GADL1: variants seen among roughly 807,000 people sequenced by gnomAD.
GADL1 encodes the protein GAD like acidic amino acid decarboxylase 1.
GADL1 carries 71 observed loss-of-function variants against 69.5 expected under a neutral mutation model. The observed-to-expected ratio is 1.02, with a 90% CI of 0.84 to 1.25. GADL1 has a LOEUF of 1.25. Among genes scored for constraint, GADL1 ranks in the 50% most tolerant of loss-of-function variants. The pLI, the probability that GADL1 is intolerant of heterozygous loss-of-function variation, is 0.00. For synonymous variants in GADL1, 254 were observed against 214.4 expected (o/e 1.18, Z -1.62); for missense variants, 737 against 631.8 (o/e 1.17, Z -1.79).
At chr3:30,882,225 G>A (rs914088478) in intron 1 of GADL1, among the ~76,000 whole-genome samples, 2 of 151,714 alleles carry the variant, frequency 1.3e-5, no homozygotes, top group Admixed American at 6.6e-5. Flanking sequence ...GTAGTGTTAA[G>A]TATATTCACA....
At chr3:30,800,432 G>A (rs150594833) in intron 12 of GADL1, 38 of 165,148 alleles carry the variant, frequency 2.3e-4, no homozygotes, top group Non-Finnish European at 3.4e-4. Flanking sequence ...TGGGAATTAC[G>A]GGAATACAAT....
intron 14 of GADL1, among the ~76,000 whole-genome samples, chr3:30,735,317 T>A (rs55821197): frequency 0.087 from 13,280 of 152,216 alleles, 1,573 homozygotes; most frequent in African/African-American, 0.27. Flanking sequence ...TTCTTTACAT[T>A]GGTGTTTTGG....
intron 14 of GADL1, among the ~76,000 whole-genome samples, chr3:30,752,920 C>G (rs935843040): frequency 3.3e-5 from 5 of 151,812 alleles, no homozygotes; most frequent in Non-Finnish European, 5.9e-5. Flanking sequence ...GGTAGGGCTT[C>G]TGAATTCAGT....
chr3:30,770,579 G>A (rs893770962), intron 14 of GADL1, among the ~76,000 whole-genome samples: 5 of 142,094 alleles, frequency 3.5e-5, no homozygotes, highest in Non-Finnish European at 7.4e-5. Flanking sequence ...TAGGTCACAA[G>A]TGAACAAGTG....
chr3:30,806,655 C>A (rs545332022), intron 11 of GADL1, among the ~76,000 whole-genome samples: 29 of 152,260 alleles, frequency 1.9e-4, no homozygotes, highest in Non-Finnish European at 3.1e-4. Flanking sequence ...GAACAAGGCA[C>A]AACAGAGCAC....
chr3:30,756,319 A>C (rs929497821), intron 14 of GADL1, among the ~76,000 whole-genome samples: 1 of 152,022 alleles, frequency 6.6e-6, no homozygotes, highest in African/African-American at 2.4e-5. Flanking sequence ...GAAATTGACT[A>C]TCTAGGATTC....
chr3:30,883,078 A>G (rs1183268638), intron 1 of GADL1, among the ~76,000 whole-genome samples: 1 of 151,914 alleles, frequency 6.6e-6, no homozygotes, highest in African/African-American at 2.4e-5. Flanking sequence ...TTATTTGAGA[A>G]TATTTTCTCT....
At chr3:30,754,430 T>A (rs915059971) in intron 14 of GADL1, among the ~76,000 whole-genome samples, 2 of 152,130 alleles carry the variant, frequency 1.3e-5, no homozygotes, top group African/African-American at 4.8e-5. Context: ...AAAGCATGAA[T>A]CCTAAAGGGA....
chr3:30,859,093 C>T (rs762402031), intron 2 of GADL1, among the ~76,000 whole-genome samples: 8 of 151,722 alleles, frequency 5.3e-5, no homozygotes, highest in East Asian at 2.0e-4. Context: ...GAGGTGGGGG[C>T]GGAGGCCAGA....
chr3:30,756,406 T>A (rs1046952641), intron 14 of GADL1, among the ~76,000 whole-genome samples: 1 of 152,188 alleles, frequency 6.6e-6, no homozygotes, highest in Admixed American at 6.5e-5. Context: ...TATAAAGTTA[T>A]AAAGGCATCT....
intron 14 of GADL1, among the ~76,000 whole-genome samples, chr3:30,763,610 GATGATTTTGCCCA>G (rs1367664131): frequency 4.6e-5 from 7 of 152,242 alleles, no homozygotes; most frequent in South Asian, 2.1e-4. Flanking sequence ...CTCAGACTTA[GATGATTTTGCCCA>G]ACTATAGTCT....
intron 10 of GADL1, 66 bp downstream of exon 10, chr3:30,834,150 AT>A: frequency 8.0e-7 from 1 of 1,251,464 alleles, no homozygotes; most frequent in Non-Finnish European, 1.2e-6. Context: ...TTTTCAAAAT[AT>A]CACTTAGTCC....
chr3:30,822,699 T>C (rs755976760), intron 11 of GADL1, among the ~76,000 whole-genome samples: 3 of 152,056 alleles, frequency 2.0e-5, no homozygotes, highest in Non-Finnish European at 2.9e-5. Context: ...TTTTAAAATA[T>C]GGAAAGAAAA....
At chr3:30,815,987 G>A (rs977339082) in intron 11 of GADL1, among the ~76,000 whole-genome samples, 1 of 152,148 alleles carries the variant, frequency 6.6e-6, no homozygotes, top group Non-Finnish European at 1.5e-5. Context: ...TCTGTACAGT[G>A]GGAAGGGGGA....
chr3:30,756,275 TCA>T (rs1421338501), intron 14 of GADL1, among the ~76,000 whole-genome samples: 5 of 152,188 alleles, frequency 3.3e-5, no homozygotes, highest in Admixed American at 6.5e-5. Context: ...TGATCTGGCC[TCA>T]GTTTCCTCCT....
intron 14 of GADL1, among the ~76,000 whole-genome samples, chr3:30,755,361 ATACTAT>A (rs4016181): frequency 0.42 from 64,356 of 151,658 alleles, 14,133 homozygotes; most frequent in African/African-American, 0.53. Flanking sequence ...TTGGAAGAAG[ATACTAT>A]TACTAAAAAA....
intron 11 of GADL1, among the ~76,000 whole-genome samples, chr3:30,830,951 CATAATTGATAATTGATA>C (rs1447961377): frequency 1.5e-4 from 22 of 151,566 alleles, no homozygotes; most frequent in African/African-American, 5.3e-4. Context: ...TCTCATCTCC[CATAATTGATAATTGATA>C]ATAATTGATA....
At chr3:30,840,536 G>T (rs1374761699) in intron 8 of GADL1, among the ~76,000 whole-genome samples, 1 of 152,082 alleles carries the variant, frequency 6.6e-6, no homozygotes, top group Admixed American at 6.5e-5. Context: ...GTGACCTAAA[G>T]GACATAAGAC....
At chr3:30,871,288 T>G (rs922955248) in intron 1 of GADL1, among the ~76,000 whole-genome samples, 99 of 151,530 alleles carry the variant, frequency 6.5e-4, no homozygotes, top group African/African-American at 2.3e-3. Flanking sequence ...GAAGCGGGAC[T>G]GGTGTAAAGT....
Sources: allele counts gnomAD v4.1 joint callset (sites outside exome capture counted in the v4.1 genomes callset), GRCh38; gene constraint gnomAD v4.1.1; transcripts MANE v1.5; gene names NCBI Gene and HGNC (gene_info 2026-07-23, HGNC 2026-07-21).